The following DDX47 variants were observed in gnomAD, a reference collection of about 807,000 sequenced individuals.
DDX47 encodes DEAD-box helicase 47.
DDX47 carries 60 observed loss-of-function variants against 58.8 expected under a neutral mutation model. That is an observed-to-expected ratio of 1.02 (90% CI 0.83 to 1.26). The LOEUF is 1.26. DDX47 is among the 50% of genes most tolerant of loss of function. The pLI is 0.00. For missense variants in DDX47, 530 were observed against 573.2 expected (o/e 0.92, Z 0.77); for synonymous variants, 197 against 204.6 (o/e 0.96, Z 0.32).
chr12:12,824,203 AT>A, intron 8 of DDX47, 187 bp downstream of exon 8: 1 of 712,498 alleles, frequency 1.4e-6, no homozygotes, highest in Non-Finnish European at 2.2e-6. Flanking sequence ...AGAGGCTCCC[AT>A]TAGAATATTT....
intron 2 of DDX47, among the ~76,000 whole-genome samples, chr12:12,816,081 C>A (rs776254960): frequency 1.1e-4 from 16 of 151,988 alleles, no homozygotes; most frequent in Non-Finnish European, 1.6e-4. Context: ...AGTTTCTAGG[C>A]TGTATGTTTA....
At position 12,829,424 on chromosome 12, in the gene DDX47, A is replaced by T; in HGVS notation, c.1238A>T (p.Glu413Val). The T allele has an allele frequency of 6.2e-7, 1 of 1,605,004 alleles. No homozygotes were observed. Among genetic ancestry groups the T allele is most frequent in the East Asian group, 2.2e-5 (1 of 44,650 alleles). ...VAEAQRFARM[E>V]LREHGEKKKR... ...CCATCCTCTCTTTTTTTCTTGCAGG[A>T]GTTAAGGGAGCATGGAGAAAAGAAG... The change falls in exon 12 of 12, where the codon GAG (glutamate) becomes GTG (valine). Residue 413 changes from glutamate (E) to valine (V), a missense_variant and splice_region_variant. Transcript: ENST00000358007.
At position 12,822,176 on chromosome 12, in the gene DDX47, G is replaced by C. The variant is rs1862985105; in HGVS notation, c.561+93G>C. The C allele has an allele frequency of 1.7e-5, 13 of 757,820 alleles. No homozygotes were observed. The Admixed American group carries it at 2.8e-4, about 17-fold the overall frequency. The allele number at this position is 757,820 out of a possible 1,614,324, so 46.9% of individuals were successfully genotyped here. On this transcript the variant is annotated intron_variant, in intron 5 of 11. Coordinates refer to ENST00000358007, the MANE Select transcript of DDX47 (RefSeq NM_016355.4). Reference sequence around the variant, plus strand: ...GCCCACTTGTTTCATGTAGAACATTGCATTAGTATCAGTTTCATTCTTGAT... The same window carrying C: ...GCCCACTTGTTTCATGTAGAACATTCCATTAGTATCAGTTTCATTCTTGAT...
At position 12,821,688 on chromosome 12, in the gene DDX47, A is replaced by C. The variant is rs1293471937; in HGVS notation, c.404A>C (p.Gln135Pro). The change falls in exon 4 of 12, where the codon CAA becomes CCA. Residue 135 changes from glutamine (Q) to proline (P), a missense_variant. Coordinates refer to ENST00000358007, the MANE Select transcript of DDX47 (RefSeq NM_016355.4). The part of the protein sequence containing the change: ...VIVGGIDSMS[Q>P]SLALAKKPHI... ...GTAGGTGGAATTGATTCAATGTCTC[A>C]ATCTTTGGCCCTTGCAAAAAAACCA... 2 of 1,613,920 alleles carry C rather than the reference A, an allele frequency of 1.2e-6. No individual in the cohort carries two copies. Among genetic ancestry groups the C allele is most frequent in the Non-Finnish European group, 1.7e-6 (2 of 1,179,956 alleles).
At chr12:12,821,080 C>A in intron 2 of DDX47, 128 bp from the exon 3 acceptor site, 2 of 955,446 alleles carry the variant, frequency 2.1e-6, no homozygotes, top group Non-Finnish European at 3.1e-6. Flanking sequence ...GTTTATTCAA[C>A]TTTCCTCTCT....
chr12:12,829,481 A>G lies in DDX47; in HGVS notation c.1295A>G (p.Asp432Gly). The G allele has an allele frequency of 1.2e-6, 2 of 1,614,064 alleles. No individual in the cohort carries two copies. The highest frequency in any genetic ancestry group is 1.1e-5 in the South Asian group (1 of 91,064). The change falls in exon 12 of 12, where the codon GAT becomes GGT. Residue 432 changes from aspartate to glycine, a missense_variant. By Grantham distance (94) the Asp-to-Gly change is moderately conservative (BLOSUM62 -1). Coordinates refer to ENST00000358007, the MANE Select transcript of DDX47 (RefSeq NM_016355.4). Reference sequence around the variant, plus strand: ...TCGCGAGAGGATGCTGGAGATAATGATGACACAGAGGGTGCTATTGGTGTC... The same window carrying G: ...TCGCGAGAGGATGCTGGAGATAATGGTGACACAGAGGGTGCTATTGGTGTC... Reference protein sequence around the residue: ...KRSREDAGDNDDTEGAIGVRN... With the variant: ...KRSREDAGDNGDTEGAIGVRN...
At position 12,829,691 on chromosome 12, in the gene DDX47, C is replaced by G. The variant is rs1355969786; in HGVS notation, c.*137C>G. 1 of 1,139,308 alleles carries G rather than the reference C, an allele frequency of 8.8e-7. No homozygotes were observed. Among genetic ancestry groups the G allele is most frequent in the Non-Finnish European group, 1.2e-6 (1 of 825,164 alleles). 70.6% of individuals were successfully genotyped at this position (1,139,308 alleles called of 1,614,324 possible). On this transcript the variant is annotated 3_prime_UTR_variant, in exon 12 of 12. Coordinates refer to ENST00000358007, the MANE Select transcript of DDX47 (RefSeq NM_016355.4). ...TGCTCAGCTAATTCAGTATTCTTCC[C>G]CATTCTGGGTTGGAGTTTACTGCAG...
rs1862982967 is a variant in DDX47, at chr12:12,822,077, G to A, written c.555G>A (p.Glu185=). The part of the protein sequence containing the change: ...EADRILNMDF[E]TEVDKILKVI... Reference sequence around the variant, plus strand: ...ACCGAATACTGAATATGGATTTTGAGACAGAGGTGAGCTCTCAATTTCTTT... The same window carrying A: ...ACCGAATACTGAATATGGATTTTGAAACAGAGGTGAGCTCTCAATTTCTTT... The change falls in exon 5 of 12, where the codon GAG becomes GAA. Residue 185 remains glutamate (E), a synonymous_variant. Coordinates refer to ENST00000358007, the MANE Select transcript of DDX47 (RefSeq NM_016355.4). 6.2e-7 allele frequency: 1 copy of A among 1,608,582 alleles called. No individual in the cohort carries two copies. The highest frequency in any genetic ancestry group is 8.5e-7 in the Non-Finnish European group (1 of 1,175,184).
chr12:12,816,150 G>A (rs112288490), intron 2 of DDX47, among the ~76,000 whole-genome samples: 2,948 of 152,266 alleles, frequency 0.019, 34 homozygotes, highest in Middle Eastern at 0.044. Flanking sequence ...ATGCAGGAAA[G>A]ATGAGTTCAG....
intron 10 of DDX47, among the ~76,000 whole-genome samples, chr12:12,826,709 C>T (rs73071403): frequency 0.033 from 4,984 of 152,278 alleles, 135 homozygotes; most frequent in Non-Finnish European, 0.053. Flanking sequence ...CTTAGCCTCT[C>T]ATAGTGCTGG....
chr12:12,813,451 CCTG>C lies in DDX47; in HGVS notation c.85_87del (p.Leu29del), dbSNP rs1565445147. On this transcript the variant is annotated inframe_deletion and splice_region_variant, in exon 1 of 12. Transcript: ENST00000358007. ...AGGAGGAAACTAAAACATTTAAAGA[CCTG>C]GTGAGAATGGATGACGCTGGCTTCT... 2 of 1,608,468 alleles carry C rather than the reference CCTG, an allele frequency of 1.2e-6. No individual in the cohort carries two copies. The highest frequency in any genetic ancestry group is 1.7e-6 in the Non-Finnish European group (2 of 1,177,394).
intron 2 of DDX47, among the ~76,000 whole-genome samples, chr12:12,818,148 C>T (rs1255445607): frequency 6.6e-6 from 1 of 152,144 alleles, no homozygotes; most frequent in East Asian, 1.9e-4. Context: ...GTTACCTACC[C>T]TGCCACTGGG....
At chr12:12,814,250 TTA>T (rs1862862511) in intron 2 of DDX47, 26 bp downstream of exon 2, 2 of 1,424,690 alleles carry the variant, frequency 1.4e-6, no homozygotes, top group African/African-American at 2.8e-5. Context: ...TCGTACAGAT[TTA>T]ATATAAAGTT....
intron 2 of DDX47, among the ~76,000 whole-genome samples, chr12:12,817,722 TA>T (rs1862917244): frequency 6.6e-6 from 1 of 152,222 alleles, no homozygotes; most frequent in African/African-American, 2.4e-5. Context: ...TCTACAGGTA[TA>T]AACACTGAAA....
chr12:12,817,415 G>C (rs954884562), intron 2 of DDX47, among the ~76,000 whole-genome samples: 11 of 152,126 alleles, frequency 7.2e-5, no homozygotes, highest in African/African-American at 2.7e-4. Flanking sequence ...TTACTATCAA[G>C]AGATCAAAAG....
intron 2 of DDX47, among the ~76,000 whole-genome samples, chr12:12,818,787 T>C (rs1429278437): frequency 6.6e-6 from 1 of 152,098 alleles, no homozygotes; most frequent in Non-Finnish European, 1.5e-5. Flanking sequence ...ACTTATTACG[T>C]GGTGGCGGCA....
intron 2 of DDX47, among the ~76,000 whole-genome samples, chr12:12,817,662 A>G (rs193165699): frequency 2.0e-5 from 3 of 152,360 alleles, no homozygotes; most frequent in Admixed American, 2.0e-4. Flanking sequence ...GCAGGTCTAT[A>G]TGACAAAATC....
In DDX47 at chr12:12,829,403, CCT is replaced by C. The variant is rs777541987; in HGVS notation, c.1237-15_1237-14del. 1.6e-5 allele frequency: 25 copies of C among 1,597,090 alleles called. No homozygotes were observed. The highest frequency in any genetic ancestry group is 2.7e-5 in the African/African-American group (2 of 73,824). ...GCCAGTAATTCATTTTCAATCCCATCCTCTCTTTTTTTCTTGCAGGAGTTAAG... is the reference window on the plus strand; with the variant it reads ...GCCAGTAATTCATTTTCAATCCCATCCTCTTTTTTTCTTGCAGGAGTTAAG... On this transcript the variant is annotated intron_variant, in intron 11 of 11. Coordinates refer to ENST00000358007, the MANE Select transcript of DDX47 (RefSeq NM_016355.4).
In DDX47 at chr12:12,827,266, A is replaced by G. The variant is rs760784271; in HGVS notation, c.1127A>G (p.Gln376Arg). ...FVTQYDVELF[Q>R]RIEHLIGKKL... ...CTCAGGTATGATGTGGAACTCTTCCAGCGCATAGAACACTTAATTGGGAAG... is the reference window on the plus strand; with the variant it reads ...CTCAGGTATGATGTGGAACTCTTCCGGCGCATAGAACACTTAATTGGGAAG... The change falls in exon 11 of 12, where the codon CAG becomes CGG. Residue 376 changes from glutamine to arginine, a missense_variant. Coordinates refer to ENST00000358007, the MANE Select transcript of DDX47 (RefSeq NM_016355.4). 6.2e-7 allele frequency: 1 copy of G among 1,614,164 alleles called. No homozygotes were observed.
Sources: allele counts gnomAD v4.1 joint callset (sites outside exome capture counted in the v4.1 genomes callset), GRCh38; gene constraint gnomAD v4.1.1; transcripts MANE v1.5; gene names NCBI Gene and HGNC (gene_info 2026-07-23, HGNC 2026-07-21).